VSX2: variants seen among roughly 807,000 people sequenced by gnomAD.
The protein encoded by VSX2 is ceh-10 homeo domain containing homolog.
In VSX2, 28 loss-of-function variants were observed where a neutral mutation model predicts 32.1. The ratio of observed to expected loss-of-function variants is 0.87; its 90% confidence interval spans 0.65 to 1.20. The LOEUF (loss-of-function observed/expected upper bound fraction) is 1.20, where lower values mean the gene tolerates loss of function less well. Among genes scored for constraint, VSX2 ranks in the 50% most tolerant of loss-of-function variants. VSX2 has a pLI of 0.00. For synonymous variants in VSX2, 243 were observed against 214.1 expected (o/e 1.14, Z -1.18); for missense variants, 506 against 488.7 (o/e 1.04, Z -0.33).
At chr14:74,244,932 A>AAG (rs1460546083) in intron 2 of VSX2, among the ~76,000 whole-genome samples, 1 of 35,516 alleles carries the variant, frequency 2.8e-5, no homozygotes, top group Non-Finnish European at 6.2e-5. Context: ...GTGTGTGTGA[A>AAG]AGAGAGAGAG....
At chr14:74,245,072 G>A in intron 2 of VSX2, 93 bp from the exon 3 acceptor site, 2 of 1,555,458 alleles carry the variant, frequency 1.3e-6, no homozygotes, top group Non-Finnish European at 1.8e-6. Context: ...TTCGGGGCCT[G>A]CCCAGGAGAC....
In VSX2 at chr14:74,260,663, T is replaced by C. The variant is rs1444753336; in HGVS notation, c.830T>C (p.Leu277Pro). 10 of 1,602,198 alleles carry C rather than the reference T, an allele frequency of 6.2e-6. No individual in the cohort carries two copies. The Admixed American group carries it at 1.4e-4, about 22-fold the overall frequency. ...GRKPEGERQA[L>P]PKLDKMEQDE... The stretch of plus-strand genomic sequence containing the variant: ...AAGCCCGAGGGGGAACGCCAGGCCC[T>C]GCCCAAGCTCGACAAGATGGAGCAG... The change falls in exon 5 of 5, where the codon CTG becomes CCG. Residue 277 changes from leucine to proline, a missense_variant. By Grantham distance (98) the Leu-to-Pro change is moderately conservative. Coordinates refer to ENST00000261980, the MANE Select transcript of VSX2 (RefSeq NM_182894.3).
Position 74,248,773 on chromosome 14 carries a change from C to T in VSX2, c.579+3485C>T, listed in dbSNP as rs146582846. ...GTTATTGAACTGGAGATCAGGAACC[C>T]GGATTTTAGCTCCAACTGACATCTG... On this transcript the variant is annotated intron_variant, in intron 3 of 4. Transcript: ENST00000261980. 2.4e-4 allele frequency among the ~76,000 whole-genome samples: 37 copies of T among 152,224 alleles called. 1 individual carries two copies. The Middle Eastern group carries it at 0.01, about 42-fold the overall frequency.
At chr14:74,259,853 G>C (rs2079292863) in intron 4 of VSX2, 71 bp downstream of exon 4, 2 of 1,499,070 alleles carry the variant, frequency 1.3e-6, no homozygotes, top group East Asian at 2.3e-5. Context: ...GGAGGGGACA[G>C]AGCCTTGAGG....
chr14:74,239,766 A>C lies in VSX2; in HGVS notation c.205A>C (p.Ser69Arg), dbSNP rs2079136369. Residue 69 changes from serine to arginine, a missense_variant, in exon 1 of 5, where the codon AGC (serine) becomes CGC (arginine). Transcript: ENST00000261980. Reference sequence around the variant, plus strand: ...CTTGCTGGCGGCGCGCTCAGTGCTCAGCCCCGCGGGGGTGGGCGGCATGGG... The same window carrying C: ...CTTGCTGGCGGCGCGCTCAGTGCTCCGCCCCGCGGGGGTGGGCGGCATGGG... ...GHLLAARSVL[S>R]PAGVGGMGLL... 1.3e-6 allele frequency: 2 copies of C among 1,554,534 alleles called. No homozygotes were observed. Among genetic ancestry groups the C allele is most frequent in the East Asian group, 4.8e-5 (2 of 41,754 alleles).
At chr14:74,253,689 C>T (rs1017671732) in intron 3 of VSX2, among the ~76,000 whole-genome samples, 4 of 151,950 alleles carry the variant, frequency 2.6e-5, no homozygotes, top group South Asian at 2.1e-4. Flanking sequence ...CCAGCACTTT[C>T]GGAGGCCGAG....
At chr14:74,251,963 G>A (rs1268179983) in intron 3 of VSX2, among the ~76,000 whole-genome samples, 1 of 152,222 alleles carries the variant, frequency 6.6e-6, no homozygotes, top group Non-Finnish European at 1.5e-5. Flanking sequence ...CTGAGGTAGC[G>A]AGGAGACCAG....
In VSX2 at chr14:74,261,453, G is replaced by C. The variant is rs2139647222; in HGVS notation, c.*534G>C. On this transcript the variant is annotated 3_prime_UTR_variant, in exon 5 of 5. Transcript: ENST00000261980. ...TTCCTGCAGACCTGGCTGGGCCTGG[G>C]CTTCCACAGTGTGAAGACACTGTGC... The C allele has an allele frequency of 1.2e-5, 2 of 162,136 alleles. No individual in the cohort carries two copies. The highest frequency in any genetic ancestry group is 3.4e-4 in the East Asian group (2 of 5,836). 10.0% of individuals were successfully genotyped at this position (162,136 alleles called of 1,614,324 possible).
intron 3 of VSX2, among the ~76,000 whole-genome samples, chr14:74,259,104 C>A (rs1161871410): frequency 6.6e-6 from 1 of 152,134 alleles, no homozygotes; most frequent in Non-Finnish European, 1.5e-5. Flanking sequence ...TAAGACTGTC[C>A]CCTGCCCTTT....
rs775014777 is a variant in VSX2 at position 74,239,786 on chromosome 14, C to G, written c.225C>G (p.Gly75=). 2 of 1,562,152 alleles carry G rather than the reference C, an allele frequency of 1.3e-6. No individual in the cohort carries two copies. The highest frequency in any genetic ancestry group is 2.4e-5 in the South Asian group (2 of 84,956). The part of the protein sequence containing the change: ...RSVLSPAGVG[G]MGLLGPGGLP... ...TGCTCAGCCCCGCGGGGGTGGGCGGCATGGGGCTTCTGGGGCCCGGGGGGC... is the reference window on the plus strand; with the variant it reads ...TGCTCAGCCCCGCGGGGGTGGGCGGGATGGGGCTTCTGGGGCCCGGGGGGC... Residue 75 remains glycine (G), a synonymous_variant, in exon 1 of 5, where the codon GGC becomes GGG. Coordinates refer to ENST00000261980, the MANE Select transcript of VSX2 (RefSeq NM_182894.3).
intron 3 of VSX2, among the ~76,000 whole-genome samples, chr14:74,251,506 A>G (rs1023581771): frequency 6.6e-6 from 1 of 152,218 alleles, no homozygotes; most frequent in African/African-American, 2.4e-5. Flanking sequence ...TGGCATTTGT[A>G]TGCTTTTAAA....
intron 3 of VSX2, among the ~76,000 whole-genome samples, chr14:74,250,982 C>T (rs570910807): frequency 1.4e-4 from 21 of 151,870 alleles, no homozygotes; most frequent in Non-Finnish European, 2.4e-4. Context: ...TGCGCTCCCC[C>T]GGCCAACACC....
intron 3 of VSX2, among the ~76,000 whole-genome samples, chr14:74,258,500 T>A (rs2079282461): frequency 6.6e-6 from 1 of 152,060 alleles, no homozygotes. Context: ...CCCTCCCGAC[T>A]CCCTCGACTT....
chr14:74,255,402 G>A (rs1273959740), intron 3 of VSX2, among the ~76,000 whole-genome samples: 2 of 152,156 alleles, frequency 1.3e-5, no homozygotes, highest in Non-Finnish European at 2.9e-5. Context: ...CTATAAATTG[G>A]AGCAGCATCT....
chr14:74,257,714 C>CA (rs1404729534), intron 3 of VSX2, among the ~76,000 whole-genome samples: 10 of 149,938 alleles, frequency 6.7e-5, no homozygotes, highest in African/African-American at 2.0e-4. Context: ...GGACCACCCC[C>CA]CACCCACTTC....
At chr14:74,244,094 C>T (rs898639977) in intron 2 of VSX2, among the ~76,000 whole-genome samples, 2 of 152,102 alleles carry the variant, frequency 1.3e-5, no homozygotes, top group East Asian at 1.9e-4. Flanking sequence ...AGGTGTTTAG[C>T]GGTTTATTCA....
intron 2 of VSX2, among the ~76,000 whole-genome samples, chr14:74,242,447 A>G (rs1238351079): frequency 6.6e-6 from 1 of 152,100 alleles, no homozygotes; most frequent in African/African-American, 2.4e-5. Context: ...AAAACGGCCT[A>G]TCCTCACCCC....
At chr14:74,250,698 G>C (rs1017295249) in intron 3 of VSX2, among the ~76,000 whole-genome samples, 6 of 130,806 alleles carry the variant, frequency 4.6e-5, no homozygotes, top group African/African-American at 1.5e-4. Context: ...AGAATCACCA[G>C]GGCAGATTTT....
Position 74,260,652 on chromosome 14 carries a change from A to G in VSX2, c.819A>G (p.Glu273=), listed in dbSNP as rs763828032. ...AAESGRKPEG[E]RQALPKLDKM... ...AGTCGGGGAGGAAGCCCGAGGGGGA[A>G]CGCCAGGCCCTGCCCAAGCTCGACA... The change falls in exon 5 of 5, where the codon GAA becomes GAG. Residue 273 remains glutamate, a synonymous_variant. Coordinates refer to ENST00000261980, the MANE Select transcript of VSX2 (RefSeq NM_182894.3). 20 of 1,604,932 alleles carry G rather than the reference A, an allele frequency of 1.2e-5. No individual in the cohort carries two copies. In the South Asian group the frequency reaches 2.2e-4, roughly 18 times the overall value.
Sources: allele counts gnomAD v4.1 joint callset (sites outside exome capture counted in the v4.1 genomes callset), GRCh38; gene constraint gnomAD v4.1.1; transcripts MANE v1.5; gene names NCBI Gene and HGNC (gene_info 2026-07-23, HGNC 2026-07-21).